The following TTLL7 variants were observed in gnomAD, a reference collection of about 807,000 sequenced individuals.
The protein encoded by TTLL7 is tubulin tyrosine ligase like 7.
In TTLL7, 53 loss-of-function variants were observed where a neutral mutation model predicts 120.2. The ratio of observed to expected loss-of-function variants is 0.44; its 90% CI spans 0.35 to 0.55. The LOEUF is 0.55. Ranked by LOEUF, TTLL7 falls within the 20% of genes least tolerant of loss-of-function variation. TTLL7 has a pLI of 0.00. For synonymous variants in TTLL7, 353 were observed against 351.7 expected (o/e 1.00, Z -0.04); for missense variants, 803 against 1,054.7 (o/e 0.76, Z 3.31).
At chr1:83,919,954 A>AG in intron 12 of TTLL7, 120 bp from the exon 13 acceptor site, 2 of 875,586 alleles carry the variant, frequency 2.3e-6, no homozygotes, top group Non-Finnish European at 3.5e-6. Flanking sequence ...TGCCAGGTAT[A>AG]AGCATTTCTA....
intron 1 of TTLL7, among the ~76,000 whole-genome samples, chr1:83,969,627 T>G (rs926872119): frequency 6.6e-5 from 10 of 151,992 alleles, no homozygotes; most frequent in Non-Finnish European, 1.0e-4. Flanking sequence ...GATTTGTTAA[T>G]TCCACTTAGG....
intron 20 of TTLL7, chr1:83,879,933 G>C (rs896558441): frequency 6.6e-6 from 1 of 151,968 alleles, no homozygotes; most frequent in African/African-American, 2.4e-5. Flanking sequence ...GTCCTACTTT[G>C]TGTACCCACA....
Position 83,966,808 on chromosome 1 carries a change from C to T in TTLL7, c.-176-14421G>A, listed in dbSNP as rs192345848. Reference sequence around the variant, plus strand: ...TCCTGACACCATTATCACTGCTGTACATACACATCAAAATTTGCAGAATCC... The same window carrying T: ...TCCTGACACCATTATCACTGCTGTATATACACATCAAAATTTGCAGAATCC... On this transcript the variant is annotated intron_variant, in intron 1 of 20. Coordinates refer to ENST00000260505, the MANE Select transcript of TTLL7 (RefSeq NM_024686.6). Among the ~76,000 whole-genome samples the T allele has an allele frequency of 3.7e-4, 57 of 152,126 alleles. 1 individual carries two copies. The highest frequency in any genetic ancestry group is 3.1e-3 in the Admixed American group (48 of 15,270).
chr1:83,976,624 G>T (rs549374255), intron 1 of TTLL7, among the ~76,000 whole-genome samples: 18 of 152,038 alleles, frequency 1.2e-4, no homozygotes, highest in Admixed American at 1.0e-3. Context: ...TCCATGCCTA[G>T]TCCCAACAAT....
chr1:83,876,772 A>T (rs1653966709), intron 20 of TTLL7, among the ~76,000 whole-genome samples: 1 of 152,038 alleles, frequency 6.6e-6, no homozygotes, highest in African/African-American at 2.4e-5. Flanking sequence ...TTTGATTTAT[A>T]TGATTTCATC....
chr1:83,871,096 A>C (rs752660482), intron 20 of TTLL7, among the ~76,000 whole-genome samples: 1 of 150,908 alleles, frequency 6.6e-6, no homozygotes, highest in Non-Finnish European at 1.5e-5. Flanking sequence ...TACTCACTGC[A>C]ACCTCTGCCT....
intron 10 of TTLL7, among the ~76,000 whole-genome samples, chr1:83,925,567 G>T (rs967994357): frequency 6.6e-6 from 1 of 152,164 alleles, no homozygotes; most frequent in African/African-American, 2.4e-5. Context: ...GAGAGGAGAT[G>T]GAGAAATAAA....
At chr1:83,915,658 A>C (rs1458300846) in intron 14 of TTLL7, among the ~76,000 whole-genome samples, 1 of 152,154 alleles carries the variant, frequency 6.6e-6, no homozygotes, top group East Asian at 1.9e-4. Flanking sequence ...TAATTAAACT[A>C]AAGAGCTTCT....
intron 18 of TTLL7, among the ~76,000 whole-genome samples, chr1:83,901,599 C>T (rs1327936123): frequency 1.3e-5 from 2 of 151,876 alleles, no homozygotes; most frequent in Admixed American, 6.6e-5. Context: ...TAATCGAAGC[C>T]AAAGTCAGCG....
At chr1:83,973,968 G>A (rs1404608623) in intron 1 of TTLL7, among the ~76,000 whole-genome samples, 1 of 151,964 alleles carries the variant, frequency 6.6e-6, no homozygotes, top group African/African-American at 2.4e-5. Context: ...ACAAGCATAT[G>A]CCTAAGTAAA....
chr1:83,938,829 A>T (rs1647661921), intron 7 of TTLL7, among the ~76,000 whole-genome samples: 1 of 152,168 alleles, frequency 6.6e-6, no homozygotes, highest in South Asian at 2.1e-4. Flanking sequence ...CATGATCCTA[A>T]AGATTACTTG....
At chr1:83,890,585 T>C (rs1224154260) in intron 18 of TTLL7, 104 bp from the exon 19 acceptor site, 5 of 851,308 alleles carry the variant, frequency 5.9e-6, no homozygotes, top group African/African-American at 1.8e-5. Context: ...CTGGGCAATA[T>C]AGTGAGAACC....
rs1411638482 is a variant in TTLL7 at position 83,866,245 on chromosome 1, G to T, written c.*3717C>A. The stretch of plus-strand genomic sequence containing the variant: ...TAGAAAATCAAATAATGGCATTTCT[G>T]CAGCTATCAATTTTTTGATACTTTT... On this transcript the variant is annotated 3_prime_UTR_variant, in exon 21 of 21. Coordinates refer to ENST00000260505, the MANE Select transcript of TTLL7 (RefSeq NM_024686.6). The T allele has an allele frequency of 6.6e-6, 1 of 151,712 alleles. No individual in the cohort carries two copies. The highest frequency in any genetic ancestry group is 1.5e-5 in the Non-Finnish European group (1 of 67,720). The allele number at this position is 151,712 out of a possible 1,614,324, so 9.4% of individuals were successfully genotyped here. A position where few individuals can be genotyped will look rare whatever the true frequency, so the allele number is the denominator to read the frequency against.
At chr1:83,995,610 C>A (rs561373042) in intron 1 of TTLL7, among the ~76,000 whole-genome samples, 3 of 152,158 alleles carry the variant, frequency 2.0e-5, no homozygotes, top group East Asian at 3.9e-4. Flanking sequence ...CACCTCTTTT[C>A]TTATAAATTA....
chr1:83,941,343 C>T (rs568074690), intron 7 of TTLL7, among the ~76,000 whole-genome samples: 1 of 152,278 alleles, frequency 6.6e-6, no homozygotes, highest in East Asian at 1.9e-4. Context: ...CATTGTTTTT[C>T]CAAAACTAGC....
intron 19 of TTLL7, among the ~76,000 whole-genome samples, chr1:83,885,942 C>T (rs1013038321): frequency 8.6e-5 from 13 of 152,020 alleles, no homozygotes; most frequent in African/African-American, 3.1e-4. Context: ...AATAGGGTCA[C>T]CAAAATCCAT....
At chr1:83,967,785 G>A (rs963674462) in intron 1 of TTLL7, among the ~76,000 whole-genome samples, 1 of 151,756 alleles carries the variant, frequency 6.6e-6, no homozygotes, top group African/African-American at 2.4e-5. Context: ...TAACATTCCA[G>A]TTAAAACTGG....
rs1176350417 is a variant in TTLL7, at chr1:83,867,607, A to T, written c.*2355T>A. ...TGGGCATTCTTATTTTTTGTTTTAA[A>T]TACAAATTTTGCTCTGGTACAAAAG... On this transcript the variant is annotated 3_prime_UTR_variant, in exon 21 of 21. Transcript: ENST00000260505. 6.6e-6 allele frequency: 1 copy of T among 151,834 alleles called. No individual in the cohort carries two copies. The highest frequency in any genetic ancestry group is 1.5e-5 in the Non-Finnish European group (1 of 67,874). 9.4% of individuals were successfully genotyped at this position (151,834 alleles called of 1,614,324 possible).
chr1:83,920,473 G>T (rs1658547646), intron 12 of TTLL7: 1 of 152,756 alleles, frequency 6.5e-6, no homozygotes, highest in Admixed American at 6.5e-5. Flanking sequence ...GGAGGAATGT[G>T]TTCTTATCAC....
Sources: gnomAD v4.1 joint callset for allele counts (sites outside exome capture counted in the v4.1 genomes callset) on GRCh38, gnomAD v4.1.1 for gene constraint, MANE v1.5 for transcripts, NCBI Gene and HGNC (gene_info 2026-07-23, HGNC 2026-07-21) for gene names.